The following STXBP5 variants were observed in gnomAD, a reference collection of about 807,000 sequenced individuals.
STXBP5 encodes syntaxin binding protein 5.
STXBP5 carries 50 observed loss-of-function variants against 152.4 expected under a neutral mutation model. The ratio of observed to expected loss-of-function variants is 0.33; its 90% CI spans 0.26 to 0.42. The LOEUF is 0.42. Among genes scored for constraint, STXBP5 ranks in the 10% least tolerant of loss-of-function variants. STXBP5 has a pLI of 1.00. For synonymous variants in STXBP5, 492 were observed against 494.7 expected (o/e 0.99, Z 0.07); for missense variants, 1,167 against 1,388.6 (o/e 0.84, Z 2.54).
intron 2 of STXBP5, among the ~76,000 whole-genome samples, chr6:147,232,712 G>A (rs1276575930): frequency 5.3e-5 from 8 of 151,828 alleles, no homozygotes; most frequent in African/African-American, 1.9e-4. Flanking sequence ...TTAAGGCACA[G>A]TGCCTAACCA....
chr6:147,260,586 TC>T (rs1459551725), intron 4 of STXBP5, 28 bp from the exon 5 acceptor site: 3 of 1,613,084 alleles, frequency 1.9e-6, no homozygotes, highest in Admixed American at 1.7e-5. Context: ...TTTTCAAATT[TC>T]TTTTTTGAGT....
At chr6:147,351,822 C>A in intron 21 of STXBP5, 1 of 985,206 alleles carries the variant, frequency 1.0e-6, no homozygotes, top group Non-Finnish European at 1.2e-6. Context: ...CTGGATTTGT[C>A]ATTTTTTTAG....
At chr6:147,247,563 T>A (rs190633889) in intron 4 of STXBP5, among the ~76,000 whole-genome samples, 2 of 152,324 alleles carry the variant, frequency 1.3e-5, no homozygotes, top group East Asian at 3.9e-4. Context: ...AACTTGAAAC[T>A]GTTAAAGAAA....
chr6:147,218,159 C>A (rs1777270780), intron 2 of STXBP5, among the ~76,000 whole-genome samples: 1 of 152,176 alleles, frequency 6.6e-6, no homozygotes, highest in Non-Finnish European at 1.5e-5. Flanking sequence ...CCATTATCAG[C>A]AGAGTGGTAC....
chr6:147,371,682 A>C (rs2128418071), intron 25 of STXBP5, among the ~76,000 whole-genome samples: 1 of 152,296 alleles, frequency 6.6e-6, no homozygotes, highest in South Asian at 2.1e-4. Context: ...ACTACAGAGA[A>C]TATAATGAGT....
intron 8 of STXBP5, among the ~76,000 whole-genome samples, chr6:147,279,970 GT>G (rs1281585331): frequency 6.6e-6 from 1 of 151,894 alleles, no homozygotes; most frequent in Non-Finnish European, 1.5e-5. Context: ...TTTTTATCTT[GT>G]TTTGTAAGAA....
chr6:147,382,712 G>C, intron 26 of STXBP5, 66 bp from the exon 27 acceptor site: 1 of 1,529,048 alleles, frequency 6.5e-7, no homozygotes, highest in Non-Finnish European at 8.9e-7. Flanking sequence ...TTTTAATGTA[G>C]TAGGATTTTA....
chr6:147,235,649 A>G lies in STXBP5; in HGVS notation c.330+318A>G, dbSNP rs542825760. Among the ~76,000 whole-genome samples the G allele has an allele frequency of 2.5e-4, 38 of 152,278 alleles. 1 individual carries two copies. In the South Asian group the frequency reaches 7.0e-3, roughly 28 times the overall value. On this transcript the variant is annotated intron_variant, in intron 3 of 27. Coordinates refer to ENST00000321680, the MANE Select transcript of STXBP5 (RefSeq NM_001127715.4). Reference sequence around the variant, plus strand: ...TCTATATTAAAATATTTTTTAAAAGATTGAGCTTATTACAAATCAAAGAGT... The same window carrying G: ...TCTATATTAAAATATTTTTTAAAAGGTTGAGCTTATTACAAATCAAAGAGT...
chr6:147,273,858 A>G (rs545302349), intron 7 of STXBP5, among the ~76,000 whole-genome samples: 3 of 151,970 alleles, frequency 2.0e-5, no homozygotes, highest in Non-Finnish European at 4.4e-5. Flanking sequence ...AGGCTGAGGC[A>G]GAAGAATGGC....
chr6:147,356,545 C>T (rs1175363486), intron 22 of STXBP5, among the ~76,000 whole-genome samples: 1 of 151,236 alleles, frequency 6.6e-6, no homozygotes, highest in Non-Finnish European at 1.5e-5. Context: ...TCTTTTCTAC[C>T]GTATCATAAT....
intron 4 of STXBP5, among the ~76,000 whole-genome samples, chr6:147,245,095 C>A (rs1357700811): frequency 6.7e-6 from 1 of 148,300 alleles, no homozygotes; most frequent in African/African-American, 2.5e-5. Context: ...TGGGTTCAAG[C>A]GATTCTTCTG....
At chr6:147,315,465 G>T (rs779348519) in intron 14 of STXBP5, 50 bp from the exon 15 acceptor site, 2 of 1,276,688 alleles carry the variant, frequency 1.6e-6, no homozygotes, top group East Asian at 5.1e-5. Flanking sequence ...GTTACCTTAT[G>T]TTTGATCATT....
intron 4 of STXBP5, among the ~76,000 whole-genome samples, chr6:147,257,620 G>T (rs1293758725): frequency 6.6e-6 from 1 of 152,070 alleles, no homozygotes; most frequent in Admixed American, 6.5e-5. Flanking sequence ...GTGAAGAGTT[G>T]ATTTTGATCC....
intron 24 of STXBP5, 84 bp from the exon 25 acceptor site, chr6:147,363,917 G>A: frequency 6.9e-7 from 1 of 1,454,776 alleles, no homozygotes; most frequent in Non-Finnish European, 9.3e-7. Flanking sequence ...AGATTTATGA[G>A]GTCTCTGCCA....
chr6:147,226,753 A>G (rs889338584), intron 2 of STXBP5, among the ~76,000 whole-genome samples: 1 of 152,190 alleles, frequency 6.6e-6, no homozygotes, highest in East Asian at 1.9e-4. Context: ...CCTAACTGTT[A>G]TATTGCTTTT....
rs369323937 is a variant in STXBP5 at position 147,359,167 on chromosome 6, C to T, written c.2389C>T (p.Leu797Phe). The change falls in exon 23 of 28, where the codon CTT becomes TTT. Residue 797 changes from leucine to phenylalanine, a missense_variant. By Grantham distance (22) the Leu-to-Phe change is conservative (BLOSUM62 0). This residue lies in a region of STXBP5 where 833 missense variants were observed against 986.3 expected (regional missense o/e 0.84). Coordinates refer to ENST00000321680, the MANE Select transcript of STXBP5 (RefSeq NM_001127715.4). ...AGAATCCCGAGAAGCGATCTCCGCT[C>T]TTCATTTCTGTGAAACGTTTACTCG... ...DKESREAISALHFCETFTRKT... is the reference protein window; with the variant it reads ...DKESREAISAFHFCETFTRKT... The T allele has an allele frequency of 1.2e-6, 2 of 1,614,074 alleles. No individual in the cohort carries two copies. The highest frequency in any genetic ancestry group is 1.7e-6 in the Non-Finnish European group (2 of 1,179,948).
At chr6:147,235,424 C>T in intron 3 of STXBP5, 93 bp downstream of exon 3, 1 of 957,486 alleles carries the variant, frequency 1.0e-6, no homozygotes, top group Non-Finnish European at 1.6e-6. Flanking sequence ...AATTTATTTA[C>T]ATATTTGAAC....
chr6:147,246,169 A>G (rs1484288544), intron 4 of STXBP5, among the ~76,000 whole-genome samples: 6 of 152,242 alleles, frequency 3.9e-5, no homozygotes, highest in African/African-American at 1.2e-4. Context: ...GTATCAGAAT[A>G]TGTTCCATTT....
intron 9 of STXBP5, among the ~76,000 whole-genome samples, chr6:147,303,295 TAGAG>T (rs1781921118): frequency 6.6e-6 from 1 of 152,114 alleles, no homozygotes; most frequent in South Asian, 2.1e-4. Context: ...ATTCTCATGA[TAGAG>T]AGTAAGTTCT....
Sources: allele counts gnomAD v4.1 joint callset (sites outside exome capture counted in the v4.1 genomes callset), GRCh38; gene constraint gnomAD v4.1.1; regional missense constraint gnomAD v4.1.1; transcripts MANE v1.5; gene names NCBI Gene and HGNC (gene_info 2026-07-23, HGNC 2026-07-21).